PTPRT: variants seen among roughly 807,000 people sequenced by gnomAD.
PTPRT encodes protein tyrosine phosphatase receptor type T.
PTPRT carries 56 observed loss-of-function variants against 176.8 expected under a neutral mutation model. The ratio of observed to expected loss-of-function variants is 0.32; its 90% CI spans 0.26 to 0.40. The LOEUF is 0.40. PTPRT is among the 10% of genes least tolerant of loss of function. PTPRT has a pLI of 1.00. For synonymous variants in PTPRT, 783 were observed against 739.0 expected (o/e 1.06, Z -0.96); for missense variants, 1,540 against 1,908.2 (o/e 0.81, Z 3.60).
intron 1 of PTPRT, among the ~76,000 whole-genome samples, chr20:42,905,917 G>C (rs191534630): frequency 2.6e-5 from 4 of 151,624 alleles, no homozygotes; most frequent in Admixed American, 2.6e-4. Context: ...GGGCCTGTCG[G>C]GGGGTAGGGG....
intron 1 of PTPRT, among the ~76,000 whole-genome samples, chr20:42,957,077 G>C (rs1222976448): frequency 6.6e-6 from 1 of 152,154 alleles, no homozygotes; most frequent in Non-Finnish European, 1.5e-5. Context: ...AGCTCTCCAA[G>C]TGACTTTTGT....
At chr20:42,944,293 C>T (rs546876366) in intron 1 of PTPRT, among the ~76,000 whole-genome samples, 4 of 152,228 alleles carry the variant, frequency 2.6e-5, no homozygotes, top group South Asian at 2.1e-4. Context: ...AAGGAAATGC[C>T]GGCTTCCACA....
At chr20:42,844,702 C>A (rs764450237) in intron 2 of PTPRT, among the ~76,000 whole-genome samples, 4 of 152,130 alleles carry the variant, frequency 2.6e-5, no homozygotes, top group East Asian at 1.9e-4. Flanking sequence ...CCTGACTCAC[C>A]AAAAATACAA....
At chr20:42,418,568 T>C (rs978374401) in intron 9 of PTPRT, among the ~76,000 whole-genome samples, 7 of 152,252 alleles carry the variant, frequency 4.6e-5, no homozygotes, top group Non-Finnish European at 1.0e-4. Flanking sequence ...GGTTTATGGC[T>C]GATATGTGAA....
At chr20:42,616,103 T>C (rs1316137009) in intron 7 of PTPRT, among the ~76,000 whole-genome samples, 1 of 129,918 alleles carries the variant, frequency 7.7e-6, no homozygotes, top group Non-Finnish European at 1.6e-5. Context: ...CCATCTTGAA[T>C]TGATTTTTGT....
chr20:42,817,967 C>T (rs1470235563), intron 2 of PTPRT, among the ~76,000 whole-genome samples: 2 of 152,168 alleles, frequency 1.3e-5, no homozygotes, highest in African/African-American at 4.8e-5. Flanking sequence ...ATCCAGGCAG[C>T]CCAGACAAGT....
intron 16 of PTPRT, among the ~76,000 whole-genome samples, chr20:42,175,240 G>A (rs1335908112): frequency 2.0e-5 from 3 of 152,086 alleles, no homozygotes; most frequent in Non-Finnish European, 4.4e-5. Flanking sequence ...TGGCTTCAAG[G>A]CTATGATTGG....
intron 7 of PTPRT, among the ~76,000 whole-genome samples, chr20:42,474,779 C>T (rs888184608): frequency 6.6e-6 from 1 of 152,204 alleles, no homozygotes. Context: ...AAGCCCCGAG[C>T]ATCCCCATCA....
chr20:43,032,399 G>T (rs187053025), intron 1 of PTPRT, among the ~76,000 whole-genome samples: 1 of 151,450 alleles, frequency 6.6e-6, no homozygotes, highest in East Asian at 1.9e-4. Flanking sequence ...TTGAGGTCCT[G>T]GGGGAGCAAA....
chr20:42,061,969 C>A, the PTPRT span, among the ~76,000 whole-genome samples: 888 of 152,316 alleles, frequency 5.8e-3, 9 homozygotes, highest in African/African-American at 0.02. Context: ...GAACAAACCA[C>A]GCCAGCAGAA....
intron 12 of PTPRT, among the ~76,000 whole-genome samples, chr20:42,306,699 G>A (rs936281895): frequency 6.6e-6 from 1 of 152,202 alleles, no homozygotes; most frequent in African/African-American, 2.4e-5. Context: ...GGTGGTACAG[G>A]TCTAAGGTCT....
At chr20:42,122,138 C>T (rs1369762347) in intron 19 of PTPRT, among the ~76,000 whole-genome samples, 1 of 152,126 alleles carries the variant, frequency 6.6e-6, no homozygotes, top group Non-Finnish European at 1.5e-5. Flanking sequence ...CATACAGTAA[C>T]AAAACTGCAC....
At chr20:42,086,955 A>C (rs1440379611) in intron 27 of PTPRT, among the ~76,000 whole-genome samples, 1 of 151,208 alleles carries the variant, frequency 6.6e-6, no homozygotes, top group African/African-American at 2.4e-5. Flanking sequence ...ATTGGAAATT[A>C]GAACCTACAG....
intron 1 of PTPRT, among the ~76,000 whole-genome samples, chr20:42,922,181 A>G (rs8115220): frequency 0.04 from 6,048 of 152,042 alleles, 313 homozygotes; most frequent in African/African-American, 0.12. Context: ...TGATCCACCC[A>G]CCTTGGCCTC....
rs369857618 is a variant in PTPRT, at chr20:42,999,665, G to A, written c.89-113733C>T. Among the ~76,000 whole-genome samples, 64 of 151,546 alleles carry A rather than the reference G, an allele frequency of 4.2e-4. No individual in the cohort carries two copies. In the South Asian group the frequency reaches 0.012, roughly 29 times the overall value. ...TTGTTGTTGTTGTTTTAATCAGCTG[G>A]GCATGATGGCGCATGCCTGTAGTCC... On this transcript the variant is annotated intron_variant, in intron 1 of 30. Coordinates refer to ENST00000373187, the MANE Select transcript of PTPRT (RefSeq NM_007050.6).
intron 1 of PTPRT, among the ~76,000 whole-genome samples, chr20:43,111,404 C>T (rs1190450045): frequency 2.0e-5 from 3 of 151,830 alleles, no homozygotes; most frequent in Non-Finnish European, 1.5e-5. Flanking sequence ...ATTAGCCGGG[C>T]GTGGTGGCAC....
intron 1 of PTPRT, among the ~76,000 whole-genome samples, chr20:43,073,361 T>C (rs2011206979): frequency 6.6e-6 from 1 of 152,012 alleles, no homozygotes; most frequent in African/African-American, 2.4e-5. Context: ...TCTTGGTAAA[T>C]TTGCCTTTCA....
At chr20:42,390,048 T>A (rs192838040) in intron 9 of PTPRT, among the ~76,000 whole-genome samples, 5 of 152,306 alleles carry the variant, frequency 3.3e-5, no homozygotes, top group Admixed American at 1.3e-4. Flanking sequence ...TATGGACTTA[T>A]ACAGCCATCT....
chr20:42,391,076 G>T (rs1876757872), intron 9 of PTPRT, among the ~76,000 whole-genome samples: 1 of 152,154 alleles, frequency 6.6e-6, no homozygotes, highest in African/African-American at 2.4e-5. Flanking sequence ...ATATGTAGTG[G>T]GGTGAGTTAT....
Sources: allele counts gnomAD v4.1 joint callset (sites outside exome capture counted in the v4.1 genomes callset), GRCh38; gene constraint gnomAD v4.1.1; transcripts MANE v1.5; gene names NCBI Gene and HGNC (gene_info 2026-07-23, HGNC 2026-07-21).